Variants in TECPR2 observed in about 807,000 individuals in gnomAD.
TECPR2 encodes the protein tectonin beta-propeller repeat containing 2.
A neutral mutation model predicts 138.1 loss-of-function variants in TECPR2; 65 were observed. That is an observed-to-expected ratio of 0.47 (90% CI 0.39 to 0.58). The LOEUF is 0.58. Ranked by LOEUF, TECPR2 falls within the 20% of genes least tolerant of loss-of-function variation. The pLI is 0.00. For synonymous variants in TECPR2, 746 were observed against 749.8 expected (o/e 0.99, Z 0.08); for missense variants, 1,553 against 1,824.5 (o/e 0.85, Z 2.71).
At chr14:102,477,864 G>A (rs1402087311) in intron 17 of TECPR2, among the ~76,000 whole-genome samples, 1 of 144,118 alleles carries the variant, frequency 6.9e-6, no homozygotes, top group Non-Finnish European at 1.5e-5. Flanking sequence ...GAACCCAGGA[G>A]GCGGAACTTG....
In TECPR2 at chr14:102,499,263, T is replaced by C; in HGVS notation, c.*1006T>C. 1 of 657,348 alleles carries C rather than the reference T, an allele frequency of 1.5e-6. No individual in the cohort carries two copies. Among genetic ancestry groups the C allele is most frequent in the Non-Finnish European group, 2.8e-6 (1 of 356,918 alleles). The allele number at this position is 657,348 out of a possible 1,614,324, so 40.7% of individuals were successfully genotyped here. A position where few individuals can be genotyped will look rare whatever the true frequency, so the allele number is the denominator to read the frequency against. On this transcript the variant is annotated 3_prime_UTR_variant, in exon 20 of 20. Coordinates refer to ENST00000359520, the MANE Select transcript of TECPR2 (RefSeq NM_014844.5). ...TGGAATGGTGTTTAACTAATGCTGC[T>C]GGCGGACATCCTAAAACCAGATGCA...
intron 1 of TECPR2, among the ~76,000 whole-genome samples, chr14:102,373,872 AG>A (rs1249618365): frequency 6.6e-6 from 1 of 152,004 alleles, no homozygotes; most frequent in Non-Finnish European, 1.5e-5. Flanking sequence ...TGAGGTCAGG[AG>A]TTCGAGACCA....
intron 2 of TECPR2, among the ~76,000 whole-genome samples, chr14:102,380,504 TCA>T (rs1887773832): frequency 6.6e-6 from 1 of 152,188 alleles, no homozygotes; most frequent in South Asian, 2.1e-4. Flanking sequence ...GGGCTCACTG[TCA>T]CAAGAACAGG....
intron 2 of TECPR2, among the ~76,000 whole-genome samples, chr14:102,383,639 C>T (rs1191254172): frequency 1.3e-5 from 2 of 151,878 alleles, no homozygotes; most frequent in African/African-American, 4.8e-5. Flanking sequence ...AACTCCTGAT[C>T]GCAAGTGATC....
intron 5 of TECPR2, among the ~76,000 whole-genome samples, chr14:102,423,896 C>T (rs975041351): frequency 2.6e-5 from 4 of 152,182 alleles, no homozygotes; most frequent in Non-Finnish European, 5.9e-5. Flanking sequence ...AGGATGTGGA[C>T]TGAGCACAGC....
At chr14:102,364,270 G>A (rs1016641915) in intron 1 of TECPR2, among the ~76,000 whole-genome samples, 7 of 152,190 alleles carry the variant, frequency 4.6e-5, no homozygotes, top group Non-Finnish European at 7.4e-5. Flanking sequence ...TAGGCTGCAG[G>A]ACTTTGTGTT....
chr14:102,444,078 C>T (rs1353120186), intron 12 of TECPR2, among the ~76,000 whole-genome samples: 4 of 152,086 alleles, frequency 2.6e-5, no homozygotes, highest in African/African-American at 4.8e-5. Flanking sequence ...TCTGTCATGA[C>T]GGTCTCTATT....
rs967751420 is a variant in TECPR2, at chr14:102,415,551, G to A, written c.638+758G>A. On this transcript the variant is annotated intron_variant, in intron 5 of 19. Transcript: ENST00000359520. This position sits in a 1 kb window ranked among gnomAD's most constrained non-coding sequence, Gnocchi z 4.3. Reference sequence around the variant, plus strand: ...AAGCACTCTTGTAGGACTCTGCAGCGAGTTTGCGTGGGGATGGGGTGAGGA... The same window carrying A: ...AAGCACTCTTGTAGGACTCTGCAGCAAGTTTGCGTGGGGATGGGGTGAGGA... Among the ~76,000 whole-genome samples, 3 of 152,104 alleles carry A rather than the reference G, an allele frequency of 2.0e-5. No individual in the cohort carries two copies. The highest frequency in any genetic ancestry group is 2.9e-5 in the Non-Finnish European group (2 of 68,022).
intron 2 of TECPR2, among the ~76,000 whole-genome samples, chr14:102,381,664 C>A (rs1887824047): frequency 6.6e-6 from 1 of 152,126 alleles, no homozygotes; most frequent in Non-Finnish European, 1.5e-5. Flanking sequence ...GAAAGTATTA[C>A]CAGATGAAGG....
At chr14:102,444,559 A>T (rs1889918394) in intron 12 of TECPR2, among the ~76,000 whole-genome samples, 1 of 152,044 alleles carries the variant, frequency 6.6e-6, no homozygotes, top group South Asian at 2.1e-4. Context: ...GATGTTAGTT[A>T]TAGAATTGCC....
intron 2 of TECPR2, among the ~76,000 whole-genome samples, chr14:102,402,908 T>G (rs1223174523): frequency 1.3e-5 from 2 of 152,150 alleles, no homozygotes; most frequent in African/African-American, 4.8e-5. Context: ...AATATCTCCT[T>G]GTAAAGAAAA....
At chr14:102,447,651 C>T (rs997400072) in intron 13 of TECPR2, among the ~76,000 whole-genome samples, 1 of 152,188 alleles carries the variant, frequency 6.6e-6, no homozygotes, top group Non-Finnish European at 1.5e-5. Context: ...TCTCCTGCCT[C>T]AGCCTCCTGG....
chr14:102,473,274 A>G (rs1595143070), intron 17 of TECPR2, among the ~76,000 whole-genome samples: 1 of 152,364 alleles, frequency 6.6e-6, no homozygotes, highest in Non-Finnish European at 1.5e-5. Context: ...GTCGTATTTT[A>G]GGACAAAGCC....
chr14:102,417,352 C>T (rs960974931), intron 5 of TECPR2, among the ~76,000 whole-genome samples: 5 of 152,198 alleles, frequency 3.3e-5, no homozygotes, highest in Admixed American at 1.3e-4. Context: ...GGCATGTACA[C>T]GTGGAGGCGT....
At chr14:102,401,379 T>C (rs1888472046) in intron 2 of TECPR2, among the ~76,000 whole-genome samples, 1 of 136,790 alleles carries the variant, frequency 7.3e-6, no homozygotes, top group Admixed American at 7.7e-5. Flanking sequence ...ACAGAGGTTG[T>C]AGTGAGCTGA....
At chr14:102,437,100 A>G (rs1889689279) in intron 9 of TECPR2, 1 of 985,432 alleles carries the variant, frequency 1.0e-6, no homozygotes, top group South Asian at 4.7e-5. Context: ...AAGACTTGCC[A>G]TGGTGAGCAG....
chr14:102,423,372 C>T (rs1031815890), intron 5 of TECPR2, among the ~76,000 whole-genome samples: 2 of 151,584 alleles, frequency 1.3e-5, no homozygotes, highest in Admixed American at 1.3e-4. Flanking sequence ...GGAGAGGTTC[C>T]ATTGCATTGA....
chr14:102,487,740 A>G (rs1392944515), intron 17 of TECPR2, among the ~76,000 whole-genome samples: 1 of 149,462 alleles, frequency 6.7e-6, no homozygotes, highest in Non-Finnish European at 1.5e-5. Context: ...ACGGGGTTTC[A>G]CTGTGTTAGC....
chr14:102,488,170 A>G (rs1006397714), intron 17 of TECPR2, among the ~76,000 whole-genome samples: 8 of 151,504 alleles, frequency 5.3e-5, no homozygotes, highest in Non-Finnish European at 7.4e-5. Flanking sequence ...GAAGTTTTTA[A>G]TATGAATAAG....
Sources: allele counts gnomAD v4.1 joint callset (sites outside exome capture counted in the v4.1 genomes callset), GRCh38; gene constraint gnomAD v4.1.1; non-coding constraint Gnocchi (gnomAD v3.1); transcripts MANE v1.5; gene names NCBI Gene and HGNC (gene_info 2026-07-23, HGNC 2026-07-21).